GLE1: variants seen among roughly 807,000 people sequenced by gnomAD.
GLE1 encodes the protein GLE1 RNA export mediator.
A neutral mutation model predicts 97.3 loss-of-function variants in GLE1; 78 were observed. The observed-to-expected ratio is 0.80, with a 90% confidence interval of 0.67 to 0.97. GLE1 has a LOEUF of 0.97. Among genes scored for constraint, GLE1 ranks in the 50% least tolerant of loss-of-function variants. The probability of loss-of-function intolerance (pLI) is 0.00; values close to 1 mark genes in which losing one functional copy is unlikely to be tolerated. For synonymous variants in GLE1, 302 were observed against 313.4 expected (o/e 0.96, Z 0.39); for missense variants, 753 against 857.5 (o/e 0.88, Z 1.52).
intron 9 of GLE1, among the ~76,000 whole-genome samples, chr9:128,530,512 G>C (rs1162170403): frequency 6.6e-6 from 1 of 152,122 alleles, no homozygotes; most frequent in East Asian, 1.9e-4. Flanking sequence ...AAGACTTTAA[G>C]TCCTTTAAGA....
chr9:128,514,245 A>G (rs1233687636), intron 2 of GLE1, among the ~76,000 whole-genome samples: 1 of 149,158 alleles, frequency 6.7e-6, no homozygotes, highest in Non-Finnish European at 1.5e-5. Context: ...AGACTGAGGC[A>G]GGAGGATCAA....
chr9:128,521,502 C>G (rs114622280), intron 3 of GLE1, among the ~76,000 whole-genome samples: 4,044 of 152,058 alleles, frequency 0.027, 173 homozygotes, highest in African/African-American at 0.093. Context: ...CCACTGCACT[C>G]TAGCCTACAT....
At chr9:128,516,811 A>T (rs924688367) in intron 3 of GLE1, among the ~76,000 whole-genome samples, 9 of 149,960 alleles carry the variant, frequency 6.0e-5, no homozygotes, top group African/African-American at 2.2e-4. Flanking sequence ...TTTTTAGTAG[A>T]GACGGGGTTT....
Position 128,522,796 on chromosome 9 carries a change from G to A in GLE1, c.561G>A (p.Leu187=). ...AGCAGCATAAAGAATTCCAGGACTT[G>A]CGGGAAGTAATGGAGAAGAGGTGAG... is the stretch of plus-strand genomic sequence containing the variant. The part of the protein sequence containing the change: ...ELKQHKEFQD[L]REVMEKSSRE... Residue 187 remains leucine, a synonymous_variant, in exon 4 of 16, where the codon TTG becomes TTA. Transcript: ENST00000309971. 1 of 1,613,934 alleles carries A rather than the reference G, an allele frequency of 6.2e-7. No individual in the cohort carries two copies. The highest frequency in any genetic ancestry group is 1.3e-5 in the African/African-American group (1 of 75,008).
At chr9:128,520,292 GTGTATATA>G (rs1219423019) in intron 3 of GLE1, among the ~76,000 whole-genome samples, 5 of 149,330 alleles carry the variant, frequency 3.3e-5, no homozygotes, top group Non-Finnish European at 5.9e-5. Flanking sequence ...GTATATATAT[GTGTATATA>G]TGTATATATG....
Position 128,537,999 on chromosome 9 carries a change from G to A in GLE1, c.1790G>A (p.Gly597Asp), listed in dbSNP as rs1390854257. The change falls in exon 13 of 16, where the codon GGC becomes GAC. Residue 597 changes from glycine (G) to aspartate (D), a missense_variant. Gly to Asp is a moderately conservative substitution (Grantham distance 94, BLOSUM62 -1). Transcript: ENST00000309971. ...YGNRQEIHPH[G>D]LNHGWRWLAQ... ...CTCTACTCCCAGATTCACCCTCATG[G>A]CTTAAATCATGGATGGCGCTGGTTG... 4 of 1,605,806 alleles carry A rather than the reference G, an allele frequency of 2.5e-6. No individual in the cohort carries two copies. Among genetic ancestry groups the A allele is most frequent in the Non-Finnish European group, 2.6e-6 (3 of 1,172,550 alleles).
chr9:128,522,565 C>A, intron 3 of GLE1, 103 bp from the exon 4 acceptor site: 1 of 1,274,258 alleles, frequency 7.8e-7, no homozygotes, highest in Non-Finnish European at 1.1e-6. Flanking sequence ...AGACAAGAAT[C>A]GCTTGAACCC....
chr9:128,524,655 G>A (rs1030039629), intron 6 of GLE1, among the ~76,000 whole-genome samples: 18 of 142,492 alleles, frequency 1.3e-4, no homozygotes, highest in East Asian at 2.2e-4. Context: ...AGGTTCAAGC[G>A]ATTCTCGGAT....
chr9:128,511,746 A>T (rs1191337318), intron 2 of GLE1, among the ~76,000 whole-genome samples: 1 of 148,502 alleles, frequency 6.7e-6, no homozygotes, highest in Non-Finnish European at 1.5e-5. Context: ...ACTTAAACAT[A>T]AAAAAAAAAC....
chr9:128,532,723 TG>T (rs1190358509), intron 9 of GLE1: 10 of 938,818 alleles, frequency 1.1e-5, no homozygotes, highest in Non-Finnish European at 1.3e-5. Flanking sequence ...TGAGTGTATG[TG>T]ACACAGGGCC....
chr9:128,525,693 G>A (rs1847281597), intron 7 of GLE1, among the ~76,000 whole-genome samples: 1 of 152,094 alleles, frequency 6.6e-6, no homozygotes, highest in Non-Finnish European at 1.5e-5. Context: ...GATATGTGTT[G>A]GTGTAATACG....
chr9:128,513,389 G>A (rs1309194905), intron 2 of GLE1, among the ~76,000 whole-genome samples: 6 of 151,982 alleles, frequency 3.9e-5, no homozygotes, highest in Non-Finnish European at 8.8e-5. Flanking sequence ...AGCATTCCCA[G>A]ATAGCTTCAT....
At chr9:128,525,110 A>G (rs997313231) in intron 6 of GLE1, 82 bp from the exon 7 acceptor site, 24 of 991,010 alleles carry the variant, frequency 2.4e-5, no homozygotes, top group South Asian at 9.2e-5. Flanking sequence ...AACAATTCCA[A>G]TTGCAGGAAA....
intron 1 of GLE1, among the ~76,000 whole-genome samples, chr9:128,507,090 C>T (rs947473364): frequency 6.6e-6 from 1 of 152,086 alleles, no homozygotes; most frequent in East Asian, 1.9e-4. Flanking sequence ...TGCAGAGACC[C>T]CTGGTTTCCT....
At position 128,536,392 on chromosome 9, in the gene GLE1, C is replaced by G; in HGVS notation, c.1684C>G (p.Gln562Glu). 3.7e-6 allele frequency: 6 copies of G among 1,613,952 alleles called. No individual in the cohort carries two copies. The highest frequency in any genetic ancestry group is 5.1e-6 in the Non-Finnish European group (6 of 1,179,900). The change falls in exon 12 of 16, where the codon CAG becomes GAG. Residue 562 changes from glutamine (Q) to glutamate (E), a missense_variant. Physicochemically the swap from Gln to Glu is conservative, Grantham distance 29. Transcript: ENST00000309971. ...CCAAGTAAAGGATTCCAAAGTGGAG[C>G]AGCAAGACAACTTTCTAAAACGCAT... is the stretch of plus-strand genomic sequence containing the variant. ...GYQVKDSKVE[Q>E]QDNFLKRMSG...
chr9:128,531,958 CTT>C (rs746246249), intron 9 of GLE1, among the ~76,000 whole-genome samples: 1 of 151,348 alleles, frequency 6.6e-6, no homozygotes, highest in Non-Finnish European at 1.5e-5. Flanking sequence ...AGCTAACTAA[CTT>C]TCCTCCTACC....
At chr9:128,524,345 G>C (rs1299484104) in intron 6 of GLE1, among the ~76,000 whole-genome samples, 1 of 151,188 alleles carries the variant, frequency 6.6e-6, no homozygotes, top group Non-Finnish European at 1.5e-5. Flanking sequence ...CTCCCAAACT[G>C]CTGAGATTAC....
At chr9:128,535,240 G>C (rs1437435108) in intron 11 of GLE1, among the ~76,000 whole-genome samples, 1 of 151,556 alleles carries the variant, frequency 6.6e-6, no homozygotes, top group Non-Finnish European at 1.5e-5. Context: ...GGCTGGGCGC[G>C]GTGGCTCACG....
intron 2 of GLE1, among the ~76,000 whole-genome samples, chr9:128,512,632 C>A (rs1258311484): frequency 6.6e-6 from 1 of 151,532 alleles, no homozygotes; most frequent in Non-Finnish European, 1.5e-5. Context: ...ACTTCAGTGT[C>A]TTTATCTGTA....
Sources: allele counts gnomAD v4.1 joint callset (sites outside exome capture counted in the v4.1 genomes callset), GRCh38; gene constraint gnomAD v4.1.1; transcripts MANE v1.5; gene names NCBI Gene and HGNC (gene_info 2026-07-23, HGNC 2026-07-21).